The following ARID1B variants were observed in gnomAD, a reference collection of about 807,000 sequenced individuals.
The protein encoded by ARID1B is AT-rich interactive domain-containing protein 1B.
A neutral mutation model predicts 212.3 loss-of-function variants in ARID1B; 30 were observed. The observed-to-expected ratio is 0.14, with a 90% confidence interval of 0.11 to 0.19. The LOEUF is 0.19. Among genes scored for constraint, ARID1B ranks in the 10% least tolerant of loss-of-function variants. ARID1B has a pLI of 1.00. For synonymous variants in ARID1B, 1,402 were observed against 1,301.7 expected, an observed-to-expected ratio of 1.08 and a Z score of -1.66; for missense variants, 2,891 against 3,204.0, an observed-to-expected ratio of 0.90 and a Z score of 2.36.
intron 2 of ARID1B, among the ~76,000 whole-genome samples, chr6:156,837,772 A>G (rs1019633660): frequency 1.3e-5 from 2 of 152,246 alleles, no homozygotes; most frequent in Non-Finnish European, 2.9e-5. Context: ...GGGATTATAA[A>G]GAAGCAGCAG....
intron 4 of ARID1B, chr6:156,936,958 A>T (rs1792284037): frequency 6.6e-6 from 1 of 152,146 alleles, no homozygotes; most frequent in African/African-American, 2.4e-5. Context: ...TGACCACAGG[A>T]TGTCTACTGT....
At chr6:157,137,506 A>G (rs1317278610) in intron 7 of ARID1B, among the ~76,000 whole-genome samples, 1 of 152,224 alleles carries the variant, frequency 6.6e-6, no homozygotes, top group Non-Finnish European at 1.5e-5. Context: ...TTTCATGTCC[A>G]TAGCCTTTTT....
At chr6:156,968,154 G>A (rs974061692) in intron 4 of ARID1B, among the ~76,000 whole-genome samples, 2 of 152,112 alleles carry the variant, frequency 1.3e-5, no homozygotes, top group African/African-American at 2.4e-5. Context: ...GACTCTTAAC[G>A]CCTCACCTGG....
chr6:156,879,867 G>A (rs1786902234), intron 2 of ARID1B, among the ~76,000 whole-genome samples: 1 of 152,242 alleles, frequency 6.6e-6, no homozygotes, highest in African/African-American at 2.4e-5. Flanking sequence ...CAGCAGGAAA[G>A]CTAAGAGTCA....
rs535701795 is a variant in ARID1B, at chr6:157,208,182, A to G, written c.*291A>G. On this transcript the variant is annotated 3_prime_UTR_variant, in exon 20 of 20. Transcript: ENST00000636930. ...AAAGGTCACTTTTTGTTCTTCACAG[A>G]TCTTTTTAATGTTCTTTCCCATGTT... 15 of 295,638 alleles carry G rather than the reference A, an allele frequency of 5.1e-5. No homozygotes were observed. Among genetic ancestry groups the G allele is most frequent in the Non-Finnish European group, 8.7e-5 (14 of 161,374 alleles). The allele number at this position is 295,638 out of a possible 1,614,324, so 18.3% of individuals were successfully genotyped here.
chr6:157,071,845 TAG>T (rs1784024372), intron 4 of ARID1B: 1 of 152,218 alleles, frequency 6.6e-6, no homozygotes, highest in Non-Finnish European at 1.5e-5. Context: ...GTTGGGTTGT[TAG>T]ACTGGGGCTG....
chr6:157,059,090 T>C (rs1188702211), intron 4 of ARID1B, among the ~76,000 whole-genome samples: 1 of 151,892 alleles, frequency 6.6e-6, no homozygotes, highest in Non-Finnish European at 1.5e-5. Context: ...GATAAAAATA[T>C]ATTCATTTAT....
chr6:157,206,451 C>T lies in ARID1B; in HGVS notation c.5679C>T (p.Ala1893=), dbSNP rs146982427. The change falls in exon 20 of 20, where the codon GCC becomes GCT. Residue 1893 remains alanine, a synonymous_variant. Transcript: ENST00000636930. This position sits in a 1 kb window ranked among gnomAD's most constrained non-coding sequence, Gnocchi z 6.8. ...KSSIALTAPD[A]AADPKEKPKQ... is the part of the protein sequence containing the mutation. ...GCATCGCTCTGACTGCCCCGGACGC[C>T]GCTGCAGACCCAAAGGAGAAGCCCA... is the stretch of plus-strand genomic sequence containing the variant. The T allele has an allele frequency of 3.2e-4, 519 of 1,613,918 alleles. No homozygotes were observed. Among genetic ancestry groups the T allele is most frequent in the Non-Finnish European group, 4.2e-4 (492 of 1,180,054 alleles).
intron 6 of ARID1B, among the ~76,000 whole-genome samples, chr6:157,123,212 C>A (rs1054261099): frequency 7.0e-6 from 1 of 143,182 alleles, no homozygotes; most frequent in Admixed American, 7.1e-5. Context: ...CTCTCTCAAT[C>A]TTTCTTTCTC....
intron 4 of ARID1B, among the ~76,000 whole-genome samples, chr6:156,989,528 G>C (rs1778143251): frequency 6.6e-6 from 1 of 152,222 alleles, no homozygotes. Flanking sequence ...TAGTCATTAA[G>C]TAAGGACCCT....
intron 5 of ARID1B, among the ~76,000 whole-genome samples, chr6:157,093,731 A>G (rs1293174247): frequency 2.0e-5 from 3 of 152,230 alleles, no homozygotes; most frequent in South Asian, 2.1e-4. Context: ...GATGCCAAAT[A>G]TATTACTTCA....
At chr6:156,956,889 A>G (rs1298277267) in intron 4 of ARID1B, among the ~76,000 whole-genome samples, 3 of 152,170 alleles carry the variant, frequency 2.0e-5, no homozygotes, top group East Asian at 1.9e-4. Context: ...AAACACCCTC[A>G]TGTGGCTAGT....
chr6:156,931,603 G>C (rs1281891938), intron 3 of ARID1B, among the ~76,000 whole-genome samples: 1 of 152,156 alleles, frequency 6.6e-6, no homozygotes, highest in African/African-American at 2.4e-5. Flanking sequence ...AGAATCACTT[G>C]AGGCCAGTAG....
At chr6:157,021,018 G>A (rs1350455337) in intron 4 of ARID1B, among the ~76,000 whole-genome samples, 5 of 152,192 alleles carry the variant, frequency 3.3e-5, no homozygotes, top group African/African-American at 9.6e-5. Flanking sequence ...ACAGCGGCCC[G>A]GAATCTCCCG....
At chr6:157,058,709 CA>C (rs1311281925) in intron 4 of ARID1B, among the ~76,000 whole-genome samples, 1 of 152,246 alleles carries the variant, frequency 6.6e-6, no homozygotes, top group Non-Finnish European at 1.5e-5. Context: ...CTTCCTGCCT[CA>C]CTCACCCGTG....
At chr6:156,941,535 G>A (rs1266551778) in intron 4 of ARID1B, 1 of 152,182 alleles carries the variant, frequency 6.6e-6, no homozygotes, top group Non-Finnish European at 1.5e-5. Flanking sequence ...CCTGAATTTA[G>A]AAAATATGAT....
intron 2 of ARID1B, among the ~76,000 whole-genome samples, chr6:156,897,246 C>CTTATTATTA (rs1374385412): frequency 5.1e-4 from 53 of 103,546 alleles, no homozygotes; most frequent in African/African-American, 1.8e-3. Flanking sequence ...TCTTCTTCTT[C>CTTATTATTA]TTCTTCTTCT....
chr6:157,132,980 G>C, intron 6 of ARID1B, 48 bp from the exon 7 acceptor site: 1 of 1,554,582 alleles, frequency 6.4e-7, no homozygotes, highest in Non-Finnish European at 8.7e-7. Flanking sequence ...TGTATGCAGA[G>C]ATTATGAAAC....
intron 4 of ARID1B, among the ~76,000 whole-genome samples, chr6:156,969,388 T>A (rs1776764363): frequency 6.6e-6 from 1 of 152,156 alleles, no homozygotes; most frequent in African/African-American, 2.4e-5. Flanking sequence ...CGTGTTGCAT[T>A]TGTACTGCAG....
Sources: allele counts gnomAD v4.1 joint callset (sites outside exome capture counted in the v4.1 genomes callset), GRCh38; gene constraint gnomAD v4.1.1; non-coding constraint Gnocchi (gnomAD v3.1); transcripts MANE v1.5; gene names NCBI Gene and HGNC (gene_info 2026-07-23, HGNC 2026-07-21).